The following AGBL4 variants were observed in gnomAD, a reference collection of about 807,000 sequenced individuals.
AGBL4 encodes the protein AGBL carboxypeptidase 4.
AGBL4 carries 58 observed loss-of-function variants against 66.4 expected under a neutral mutation model. The observed-to-expected ratio is 0.87, with a 90% CI of 0.71 to 1.09. The LOEUF (loss-of-function observed/expected upper bound fraction) is 1.09. Ranked by LOEUF, AGBL4 falls within the 50% of genes least tolerant of loss-of-function variation. AGBL4 has a pLI of 0.00. For missense variants in AGBL4, 579 were observed against 631.0 expected, an observed-to-expected ratio of 0.92 and a Z score of 0.88; for synonymous variants, 234 against 222.9, an observed-to-expected ratio of 1.05 and a Z score of -0.44.
intron 4 of AGBL4, among the ~76,000 whole-genome samples, chr1:49,138,556 T>C (rs918646585): frequency 2.2e-4 from 34 of 152,108 alleles, no homozygotes; most frequent in African/African-American, 7.7e-4. Flanking sequence ...TGACTGAAAA[T>C]GTCACCTGTA....
intron 3 of AGBL4, among the ~76,000 whole-genome samples, chr1:49,684,815 T>A (rs1646757690): frequency 6.6e-6 from 1 of 152,184 alleles, no homozygotes; most frequent in African/African-American, 2.4e-5. Flanking sequence ...AAGGACTGGA[T>A]CAAGTACAGT....
intron 3 of AGBL4, among the ~76,000 whole-genome samples, chr1:49,493,667 T>C (rs925908823): frequency 2.0e-5 from 3 of 151,970 alleles, no homozygotes; most frequent in East Asian, 3.9e-4. Flanking sequence ...GAAACTGAAA[T>C]GTGGGCTGGG....
chr1:49,042,020 T>C (rs1328633943), intron 5 of AGBL4, among the ~76,000 whole-genome samples: 1 of 152,118 alleles, frequency 6.6e-6, no homozygotes, highest in African/African-American at 2.4e-5. Flanking sequence ...ATTTTTATTA[T>C]TAACTTCTTA....
chr1:49,375,635 G>T (rs1011431813), intron 3 of AGBL4, among the ~76,000 whole-genome samples: 12 of 152,074 alleles, frequency 7.9e-5, no homozygotes, highest in Non-Finnish European at 2.9e-5. Context: ...GAAAGAGACT[G>T]CTCTTGGGAA....
intron 1 of AGBL4, among the ~76,000 whole-genome samples, chr1:49,998,668 G>A (rs1207209662): frequency 2.0e-5 from 3 of 152,070 alleles, no homozygotes; most frequent in Non-Finnish European, 4.4e-5. Flanking sequence ...GATGAACACA[G>A]ATGCCAAAAT....
At chr1:49,676,176 T>C (rs1208413999) in intron 3 of AGBL4, among the ~76,000 whole-genome samples, 1 of 152,022 alleles carries the variant, frequency 6.6e-6, no homozygotes, top group Non-Finnish European at 1.5e-5. Flanking sequence ...AAACCTAAAT[T>C]CCAATATTTC....
At chr1:48,802,382 TG>T (rs1645829908) in intron 6 of AGBL4, among the ~76,000 whole-genome samples, 1 of 152,162 alleles carries the variant, frequency 6.6e-6, no homozygotes, top group Non-Finnish European at 1.5e-5. Flanking sequence ...TACCCCATCA[TG>T]TCATTTAGAA....
chr1:48,619,591 A>G (rs1229043302), intron 9 of AGBL4, among the ~76,000 whole-genome samples: 1 of 152,194 alleles, frequency 6.6e-6, no homozygotes, highest in African/African-American at 2.4e-5. Flanking sequence ...GTCACATAGC[A>G]AAGATGACTA....
At chr1:48,691,352 A>G (rs536401946) in intron 6 of AGBL4, among the ~76,000 whole-genome samples, 1 of 152,264 alleles carries the variant, frequency 6.6e-6, no homozygotes, top group East Asian at 1.9e-4. Context: ...AATTGGAAGA[A>G]CCACATTTTA....
Position 48,691,174 on chromosome 1 carries a change from A to C in AGBL4, c.635-27933T>G, listed in dbSNP as rs867349194. ...CTCCCTCTCAAAAAAAAAAAAAAAA[A>C]ACACATATATGTGTGTATATATATA... On this transcript the variant is annotated intron_variant, in intron 6 of 13. Coordinates refer to ENST00000371839, the MANE Select transcript of AGBL4 (RefSeq NM_032785.4). Among the ~76,000 whole-genome samples the C allele has an allele frequency of 6.0e-5, 9 of 148,932 alleles. 1 individual carries two copies. The highest frequency in any genetic ancestry group is 1.7e-4 in the African/African-American group (7 of 40,040).
intron 3 of AGBL4, among the ~76,000 whole-genome samples, chr1:49,538,800 C>T (rs552759244): frequency 2.0e-4 from 31 of 152,102 alleles, no homozygotes; most frequent in Non-Finnish European, 4.0e-4. Context: ...TTAATGTTCT[C>T]AAGGATTTGG....
intron 9 of AGBL4, 109 bp from the exon 10 acceptor site, chr1:48,591,094 C>CT (rs1553192294): frequency 4.0e-6 from 3 of 752,290 alleles, no homozygotes; most frequent in East Asian, 5.5e-5. Context: ...CCACCCACCC[C>CT]CCCCCACACA....
At chr1:49,298,876 T>C (rs1644691704) in intron 3 of AGBL4, among the ~76,000 whole-genome samples, 1 of 152,202 alleles carries the variant, frequency 6.6e-6, no homozygotes, top group African/African-American at 2.4e-5. Flanking sequence ...TAGTCTGACA[T>C]TCATGATCCT....
chr1:49,686,120 A>G (rs2124577236), intron 3 of AGBL4, among the ~76,000 whole-genome samples: 1 of 152,298 alleles, frequency 6.6e-6, no homozygotes, highest in East Asian at 1.9e-4. Context: ...GCAGATGGCT[A>G]GACAGTTATC....
chr1:49,395,733 G>GA (rs1553194847), intron 3 of AGBL4, among the ~76,000 whole-genome samples: 7 of 136,686 alleles, frequency 5.1e-5, no homozygotes, highest in Non-Finnish European at 9.3e-5. Context: ...CAAAATGTGT[G>GA]TATATATATA....
chr1:49,087,789 G>T (rs12090394), intron 4 of AGBL4, among the ~76,000 whole-genome samples: 1 of 152,124 alleles, frequency 6.6e-6, no homozygotes, highest in Non-Finnish European at 1.5e-5. Flanking sequence ...ATAGTCATCA[G>T]ATTCTACAAG....
chr1:49,156,093 C>T (rs1054978324), intron 4 of AGBL4, among the ~76,000 whole-genome samples: 1 of 152,154 alleles, frequency 6.6e-6, no homozygotes, highest in African/African-American at 2.4e-5. Context: ...ACTGCAGCTA[C>T]AATAATCTAA....
intron 1 of AGBL4, among the ~76,000 whole-genome samples, chr1:50,007,528 C>T (rs996724882): frequency 2.0e-5 from 3 of 152,006 alleles, no homozygotes; most frequent in Non-Finnish European, 4.4e-5. Context: ...TTTGGGAGGT[C>T]GAGGAGGGAG....
intron 11 of AGBL4, chr1:48,585,703 C>T (rs1474264698): frequency 1.3e-5 from 2 of 152,194 alleles, no homozygotes; most frequent in Admixed American, 6.5e-5. Context: ...GGATGTGGAA[C>T]ATTGCTCTAA....
Sources: allele counts gnomAD v4.1 joint callset (sites outside exome capture counted in the v4.1 genomes callset), GRCh38; gene constraint gnomAD v4.1.1; transcripts MANE v1.5; gene names NCBI Gene and HGNC (gene_info 2026-07-23, HGNC 2026-07-21).